Variants in SNX16 observed in about 807,000 individuals in gnomAD.
SNX16 encodes sorting nexin-16.
SNX16 carries 35 observed loss-of-function variants against 36.7 expected under a neutral mutation model. The observed-to-expected ratio is 0.95, with a 90% confidence interval of 0.73 to 1.27. The LOEUF (loss-of-function observed/expected upper bound fraction) is 1.27. SNX16 is among the 50% of genes most tolerant of loss of function. The pLI, the probability that SNX16 is intolerant of heterozygous loss-of-function variation, is 0.00. For missense variants in SNX16, 367 were observed against 393.6 expected, an observed-to-expected ratio of 0.93 and a Z score of 0.57; for synonymous variants, 134 against 132.0, an observed-to-expected ratio of 1.02 and a Z score of -0.10.
intron 5 of SNX16, among the ~76,000 whole-genome samples, chr8:81,806,379 T>G (rs1809946207): frequency 6.6e-6 from 1 of 152,166 alleles, no homozygotes; most frequent in South Asian, 2.1e-4. Context: ...TCTATGAATG[T>G]AATTTACCAC....
intron 2 of SNX16, among the ~76,000 whole-genome samples, chr8:81,834,395 T>C (rs551430714): frequency 6.6e-6 from 1 of 152,126 alleles, no homozygotes; most frequent in South Asian, 2.1e-4. Flanking sequence ...CCAAATCTCA[T>C]GTCCTCACAT....
intron 3 of SNX16, 113 bp from the exon 4 acceptor site, chr8:81,824,053 A>T: frequency 1.9e-6 from 2 of 1,035,372 alleles, no homozygotes; most frequent in Non-Finnish European, 1.4e-6. Context: ...AAAATAAAAG[A>T]ATTAAATTCA....
chr8:81,841,455 C>G (rs1811767465), intron 1 of SNX16, among the ~76,000 whole-genome samples: 1 of 151,870 alleles, frequency 6.6e-6, no homozygotes, highest in Non-Finnish European at 1.5e-5. Context: ...TTCCGCCTGA[C>G]GGCCTCCCCA....
intron 5 of SNX16, chr8:81,808,810 G>A: frequency 1.3e-6 from 1 of 757,976 alleles, no homozygotes. Flanking sequence ...GATTTGTGAA[G>A]TCAGCCAAGC....
chr8:81,813,915 A>G (rs186862445), intron 5 of SNX16, among the ~76,000 whole-genome samples: 20 of 152,184 alleles, frequency 1.3e-4, no homozygotes, highest in East Asian at 1.2e-3. Context: ...CAAAAGAGAG[A>G]TAATATCAAA....
intron 4 of SNX16, among the ~76,000 whole-genome samples, 183 bp downstream of exon 4, chr8:81,823,609 C>T (rs1810874917): frequency 6.6e-6 from 1 of 152,016 alleles, no homozygotes; most frequent in Non-Finnish European, 1.5e-5. Context: ...AATGAAATGT[C>T]AAATAAAGTC....
rs200306664 is a variant in SNX16 at position 81,823,834 on chromosome 8, G to T, written c.569C>A (p.Ala190Glu). The change falls in exon 4 of 8, where the codon GCG (alanine) becomes GAG (glutamate). Residue 190 changes from alanine (A) to glutamate (E), a missense_variant. Coordinates refer to ENST00000345957, the MANE Select transcript of SNX16 (RefSeq NM_152836.3). ...FLEDRQLGLQ[A>E]FLQNLVAHKD... ...GTGAGCTACTAAATTTTGAAGAAAC[G>T]CTTGTAATCCTAATTGTCTGTCTTC... is the stretch of plus-strand genomic sequence containing the variant. The T allele has an allele frequency of 1.2e-6, 2 of 1,610,628 alleles. No homozygotes were observed. The highest frequency in any genetic ancestry group is 1.1e-5 in the South Asian group (1 of 90,418).
chr8:81,839,224 TAAAGA>T (rs1811628452), intron 2 of SNX16, among the ~76,000 whole-genome samples: 2 of 152,106 alleles, frequency 1.3e-5, no homozygotes, highest in Non-Finnish European at 2.9e-5. Context: ...TTGGCAAGGC[TAAAGA>T]AAAGAGACCA....
In SNX16 at chr8:81,802,413, T is replaced by C; in HGVS notation, c.905A>G (p.Glu302Gly). The C allele has an allele frequency of 3.1e-6, 5 of 1,609,160 alleles. No homozygotes were observed. The highest frequency in any genetic ancestry group is 4.2e-6 in the Non-Finnish European group (5 of 1,177,266). ...QILKVESSAL[E>G]VDQDVLDEES... ...TTCATCCAGGACATCTTGATCAACCTCAAGTGCAGAGGACTCCACCTTTAG... is the reference window on the plus strand; with the variant it reads ...TTCATCCAGGACATCTTGATCAACCCCAAGTGCAGAGGACTCCACCTTTAG... The change falls in exon 7 of 8, where the codon GAG becomes GGG. Residue 302 changes from glutamate (E) to glycine (G), a missense_variant. By Grantham distance (98) the Glu-to-Gly change is moderately conservative (BLOSUM62 -2). Transcript: ENST00000345957.
chr8:81,836,725 A>G (rs1456998888), intron 2 of SNX16, among the ~76,000 whole-genome samples: 3 of 152,174 alleles, frequency 2.0e-5, no homozygotes, highest in Non-Finnish European at 2.9e-5. Context: ...GAACCTACTA[A>G]CTGCTTCCTG....
intron 2 of SNX16, among the ~76,000 whole-genome samples, chr8:81,838,412 TATTA>T (rs893922432): frequency 9.2e-5 from 14 of 152,152 alleles, no homozygotes; most frequent in African/African-American, 2.6e-4. Flanking sequence ...TATAAGACTT[TATTA>T]ATTAAGACAG....
chr8:81,802,975 A>G, intron 6 of SNX16, 117 bp downstream of exon 6: 1 of 942,234 alleles, frequency 1.1e-6, no homozygotes, highest in Non-Finnish European at 1.5e-6. Context: ...GTATGCCAAA[A>G]GCCTACAACT....
Position 81,802,141 on chromosome 8 carries a change from C to G in SNX16, c.938+239G>C, listed in dbSNP as rs140601329. Among the ~76,000 whole-genome samples, 84 of 151,758 alleles carry G rather than the reference C, an allele frequency of 5.5e-4. 1 individual carries two copies. The East Asian group carries it at 0.01, about 18-fold the overall frequency. ...GAGGCCAGTTAATGCAGACACAGCT[C>G]TAAAGTAAGTAATGAGAAAACTTAC... is the stretch of plus-strand genomic sequence containing the variant. On this transcript the variant is annotated intron_variant, in intron 7 of 7. Coordinates refer to ENST00000345957, the MANE Select transcript of SNX16 (RefSeq NM_152836.3).
In SNX16 at chr8:81,800,822, G is replaced by C. The variant is rs1809653749; in HGVS notation, c.*675C>G. On this transcript the variant is annotated 3_prime_UTR_variant, in exon 8 of 8. Transcript: ENST00000345957. ...AAACAAATGTAACATATTAATAACT[G>C]TGACACTTATTAAAGTATTTTGATA... The C allele has an allele frequency of 1.3e-5, 2 of 152,118 alleles. No homozygotes were observed. The highest frequency in any genetic ancestry group is 4.1e-4 in the South Asian group (2 of 4,824). The allele number at this position is 152,118 out of a possible 1,614,324, so 9.4% of individuals were successfully genotyped here.
At chr8:81,808,502 T>C (rs1474879261) in intron 5 of SNX16, 4 of 968,052 alleles carry the variant, frequency 4.1e-6, no homozygotes, top group South Asian at 2.6e-5. Context: ...GGGATGGCTA[T>C]AAGGGATTTG....
In SNX16 at chr8:81,802,375, T is replaced by C. The variant is rs767728851; in HGVS notation, c.938+5A>G. On this transcript the variant is annotated splice_donor_5th_base_variant and intron_variant, in intron 7 of 7. Transcript: ENST00000345957. ...TTAAGCTATCATAAATGAAATATTATATACCTAGATTCTTCATCCAGGACA... is the reference window on the plus strand; with the variant it reads ...TTAAGCTATCATAAATGAAATATTACATACCTAGATTCTTCATCCAGGACA... 6.3e-7 allele frequency: 1 copy of C among 1,594,032 alleles called. No individual in the cohort carries two copies. Among genetic ancestry groups the C allele is most frequent in the Non-Finnish European group, 8.5e-7 (1 of 1,171,722 alleles).
chr8:81,838,874 A>G (rs969994872), intron 2 of SNX16, among the ~76,000 whole-genome samples: 7 of 152,120 alleles, frequency 4.6e-5, no homozygotes, highest in Non-Finnish European at 1.0e-4. Flanking sequence ...TGAAAAAAAA[A>G]TTATATCCAA....
At chr8:81,836,891 C>T (rs539904612) in intron 2 of SNX16, among the ~76,000 whole-genome samples, 7 of 152,278 alleles carry the variant, frequency 4.6e-5, no homozygotes, top group Admixed American at 6.5e-5. Flanking sequence ...ACAGTGCCTC[C>T]TTCCCTATGT....
rs1811659225 is a variant in SNX16 at position 81,839,863 on chromosome 8, C to G, written c.124G>C (p.Gly42Arg). ...CCCATATTTGAGTCTTCTAACTGGC[C>G]CTTAGAAGAATTTGAGCTTGTTGAG... is the stretch of plus-strand genomic sequence containing the variant. ...SVSTSSNSSK[G>R]QLEDSNMGNF... The change falls in exon 2 of 8, where the codon GGC becomes CGC. Residue 42 changes from glycine (G) to arginine (R), a missense_variant. Coordinates refer to ENST00000345957, the MANE Select transcript of SNX16 (RefSeq NM_152836.3). 1 of 1,613,738 alleles carries G rather than the reference C, an allele frequency of 6.2e-7. No homozygotes were observed. Among genetic ancestry groups the G allele is most frequent in the African/African-American group, 1.3e-5 (1 of 74,872 alleles).
Sources: allele counts gnomAD v4.1 joint callset (sites outside exome capture counted in the v4.1 genomes callset), GRCh38; gene constraint gnomAD v4.1.1; transcripts MANE v1.5; gene names NCBI Gene and HGNC (gene_info 2026-07-23, HGNC 2026-07-21).